Variants in PPP4R4 observed in about 807,000 individuals in gnomAD.
PPP4R4 encodes protein phosphatase 4 regulatory subunit 4, also known as serine/threonine-protein phosphatase 4 regulatory subunit 4.
In PPP4R4, 70 loss-of-function variants were observed where a neutral mutation model predicts 121.8. The observed-to-expected ratio is 0.57, with a 90% CI of 0.47 to 0.70. PPP4R4 has a LOEUF of 0.70. PPP4R4 is among the 30% of genes least tolerant of loss of function. The pLI is 0.00. For synonymous variants in PPP4R4, 348 were observed against 355.7 expected (o/e 0.98, Z 0.24); for missense variants, 875 against 1,033.6 (o/e 0.85, Z 2.10).
chr14:94,195,080 G>A (rs1889799747), intron 2 of PPP4R4, among the ~76,000 whole-genome samples: 1 of 152,180 alleles, frequency 6.6e-6, no homozygotes, highest in South Asian at 2.1e-4. Context: ...TCTACTGTCA[G>A]ATGGACCTTC....
intron 17 of PPP4R4, among the ~76,000 whole-genome samples, chr14:94,256,862 A>G (rs1893503518): frequency 6.6e-6 from 1 of 152,178 alleles, no homozygotes; most frequent in African/African-American, 2.4e-5. Context: ...TAGGTGCTCA[A>G]TAAACACTGT....
At chr14:94,237,954 G>T (rs994794839) in intron 8 of PPP4R4, among the ~76,000 whole-genome samples, 2 of 152,196 alleles carry the variant, frequency 1.3e-5, no homozygotes, top group Non-Finnish European at 2.9e-5. Flanking sequence ...TCTAGAGGCT[G>T]GGAAGTTCAA....
At chr14:94,254,588 G>A (rs917336044) in intron 16 of PPP4R4, among the ~76,000 whole-genome samples, 5 of 152,102 alleles carry the variant, frequency 3.3e-5, no homozygotes, top group Non-Finnish European at 7.4e-5. Flanking sequence ...GAATCCTCAA[G>A]TAAAAATTCA....
rs1892416067 is a variant in PPP4R4, at chr14:94,237,684, C to G, written c.851C>G (p.Thr284Arg). 6.2e-7 allele frequency: 1 copy of G among 1,611,374 alleles called. No individual in the cohort carries two copies. Among genetic ancestry groups the G allele is most frequent in the Admixed American group, 1.7e-5 (1 of 59,954 alleles). The change falls in exon 8 of 25, where the codon ACA becomes AGA. Residue 284 changes from threonine (T) to arginine (R), a missense_variant and splice_region_variant. Physicochemically the swap from Thr to Arg is moderately conservative, Grantham distance 71. Transcript: ENST00000304338. Reference protein sequence around the residue: ...TLVNLLDIFDTDDRSQTILPL... With the variant: ...TLVNLLDIFDRDDRSQTILPL... ...GTTAATCTGCTTGATATATTTGATA[C>G]AGGTAAATCATGTGGCTACATCTTT...
chr14:94,218,307 CAG>C (rs1350185971), intron 3 of PPP4R4, among the ~76,000 whole-genome samples: 3 of 152,060 alleles, frequency 2.0e-5, no homozygotes, highest in Non-Finnish European at 2.9e-5. Flanking sequence ...CCAGAGGACT[CAG>C]AGCAGGATAA....
At chr14:94,251,120 AAAG>A in intron 15 of PPP4R4, among the ~76,000 whole-genome samples, 1 of 152,052 alleles carries the variant, frequency 6.6e-6, no homozygotes, top group South Asian at 2.1e-4. Context: ...TTTTATTTTG[AAAG>A]AAGATTCAGT....
rs1893419673 is a variant in PPP4R4, at chr14:94,255,511, G to GCA, written c.1866-949_1866-948insCA. On this transcript the variant is annotated intron_variant, in intron 16 of 24. Coordinates refer to ENST00000304338, the MANE Select transcript of PPP4R4 (RefSeq NM_058237.2). Reference sequence around the variant, plus strand: ...AGCTACTCGGGAGGCTGAGGCAGGAGAATGGCATGAACCTGGGAGGCGGAG... The same window carrying GCA: ...AGCTACTCGGGAGGCTGAGGCAGGAGCAAATGGCATGAACCTGGGAGGCGGAG... Among the ~76,000 whole-genome samples the GCA allele has an allele frequency of 6.6e-5, 10 of 151,878 alleles. No individual in the cohort carries two copies. The South Asian group carries it at 2.1e-3, about 32-fold the overall frequency.
At chr14:94,275,227 T>C (rs1410829502) in intron 23 of PPP4R4, 147 bp from the exon 24 acceptor site, 2 of 860,434 alleles carry the variant, frequency 2.3e-6, no homozygotes, top group Non-Finnish European at 3.6e-6. Flanking sequence ...AAACCTTAAC[T>C]TTTTGCAGTT....
rs753923634 is a variant in PPP4R4, at chr14:94,189,707, C to G, written c.191+13580C>G. Among the ~76,000 whole-genome samples the G allele has an allele frequency of 3.3e-5, 5 of 152,304 alleles. No individual in the cohort carries two copies. In the South Asian group the frequency reaches 1.0e-3, roughly 32 times the overall value. ...GCTGGCTTTTCAAACTCAATGTGCT[C>G]GAAACTGCATTTATCACTTTTTATC... is the stretch of plus-strand genomic sequence containing the variant. On this transcript the variant is annotated intron_variant, in intron 2 of 24. Transcript: ENST00000304338.
chr14:94,190,040 GC>G (rs1183827869), intron 2 of PPP4R4, among the ~76,000 whole-genome samples: 1 of 128,354 alleles, frequency 7.8e-6, no homozygotes, highest in African/African-American at 2.6e-5. Flanking sequence ...GATTTGGCTT[GC>G]TTTTATCTTT....
chr14:94,245,705 G>T, intron 13 of PPP4R4, 35 bp downstream of exon 13: 5 of 1,442,058 alleles, frequency 3.5e-6, no homozygotes, highest in Non-Finnish European at 4.8e-6. Flanking sequence ...TCTGAGTTGT[G>T]TAAATATTAT....
At chr14:94,265,961 A>C in intron 22 of PPP4R4, 74 bp downstream of exon 22, 1 of 1,003,852 alleles carries the variant, frequency 1.0e-6, no homozygotes, top group Non-Finnish European at 1.4e-6. Context: ...ATGAGTTTAC[A>C]TTTTATAAAA....
rs1185130096 is a variant in PPP4R4 at position 94,218,042 on chromosome 14, C to T, written c.294+9476C>T. Among the ~76,000 whole-genome samples the T allele has an allele frequency of 4.6e-5, 7 of 152,068 alleles. No homozygotes were observed. The East Asian group carries it at 7.7e-4, about 17-fold the overall frequency. Reference sequence around the variant, plus strand: ...ATAAAAAAGATGATATCTGAGATGACGCATTTCTTCAATGGGCTTATCAGG... The same window carrying T: ...ATAAAAAAGATGATATCTGAGATGATGCATTTCTTCAATGGGCTTATCAGG... On this transcript the variant is annotated intron_variant, in intron 3 of 24. Transcript: ENST00000304338.
At chr14:94,205,698 G>T (rs1004774691) in intron 2 of PPP4R4, among the ~76,000 whole-genome samples, 26 of 151,646 alleles carry the variant, frequency 1.7e-4, no homozygotes, top group African/African-American at 6.0e-4. Context: ...ATTTTCATTA[G>T]TTCAGTGTAT....
In PPP4R4 at chr14:94,256,601, AAG is replaced by A. The variant is rs1430028714; in HGVS notation, c.2010_2010+1del. ...KDKDVLAIVK[R>X]TVLELDRMEM... ...ATAAAGATGTTCTGGCTATTGTAAAAAGAGTAAGTATCACTCTTGCCACAATG... is the reference window on the plus strand; with the variant it reads ...ATAAAGATGTTCTGGCTATTGTAAAAAGTAAGTATCACTCTTGCCACAATG... On this transcript the variant is annotated frameshift_variant and splice_region_variant, in exon 17 of 25. Transcript: ENST00000304338. LOFTEE classifies it high-confidence loss of function. The A allele has an allele frequency of 6.2e-7, 1 of 1,600,866 alleles. No individual in the cohort carries two copies. The highest frequency in any genetic ancestry group is 8.5e-7 in the Non-Finnish European group (1 of 1,172,222).
rs537569309 is a variant in PPP4R4 at position 94,178,711 on chromosome 14, C to T, written c.191+2584C>T. Reference sequence around the variant, plus strand: ...ATGAATTTGTGGTTTTGCATACGTGCGATACTGATATACCCATCTGTGGCA... The same window carrying T: ...ATGAATTTGTGGTTTTGCATACGTGTGATACTGATATACCCATCTGTGGCA... On this transcript the variant is annotated intron_variant, in intron 2 of 24. Coordinates refer to ENST00000304338, the MANE Select transcript of PPP4R4 (RefSeq NM_058237.2). Among the ~76,000 whole-genome samples, 13 of 152,232 alleles carry T rather than the reference C, an allele frequency of 8.5e-5. No homozygotes were observed. The South Asian group carries it at 1.9e-3, about 22-fold the overall frequency.
At chr14:94,252,870 G>GT (rs1893259382) in intron 16 of PPP4R4, among the ~76,000 whole-genome samples, 1 of 152,146 alleles carries the variant, frequency 6.6e-6, no homozygotes, top group South Asian at 2.1e-4. Context: ...TAGGCAATAT[G>GT]TAAAACATCA....
At chr14:94,225,830 G>A (rs1255596578) in intron 3 of PPP4R4, among the ~76,000 whole-genome samples, 1 of 152,064 alleles carries the variant, frequency 6.6e-6, no homozygotes, top group Non-Finnish European at 1.5e-5. Flanking sequence ...AGGATAGAAG[G>A]TGAAAGTATT....
chr14:94,257,486 A>G (rs78271200), intron 17 of PPP4R4, among the ~76,000 whole-genome samples: 4,971 of 152,166 alleles, frequency 0.033, 105 homozygotes, highest in Non-Finnish European at 0.048. Flanking sequence ...CTTTTTTTCT[A>G]GAAATCATTG....
Sources: allele counts gnomAD v4.1 joint callset (sites outside exome capture counted in the v4.1 genomes callset), GRCh38; gene constraint gnomAD v4.1.1; transcripts MANE v1.5; gene names NCBI Gene and HGNC (gene_info 2026-07-23, HGNC 2026-07-21).